GSPT1: variants seen among roughly 807,000 people sequenced by gnomAD.
The protein encoded by GSPT1 is eukaryotic peptide chain release factor GTP-binding subunit ERF3A.
A neutral mutation model predicts 72.5 loss-of-function variants in GSPT1; 20 were observed. The ratio of observed to expected loss-of-function variants is 0.28; its 90% confidence interval spans 0.19 to 0.40. The LOEUF (loss-of-function observed/expected upper bound fraction) is 0.40, where lower values mean the gene tolerates loss of function less well. Among genes scored for constraint, GSPT1 ranks in the 10% least tolerant of loss-of-function variants. The pLI is 1.00. For synonymous variants in GSPT1, 334 were observed against 293.5 expected (o/e 1.14, Z -1.41); for missense variants, 580 against 811.9 (o/e 0.71, Z 3.47).
upstream of GSPT1, chr16:11,916,011 G>C: frequency 3.0e-6 from 2 of 671,142 alleles, no homozygotes; most frequent in Non-Finnish European, 5.6e-6. Context: ...CCCACCCCCG[G>C]CGCGGATTGA....
At chr16:11,910,912 T>A (rs911932122) in intron 1 of GSPT1, among the ~76,000 whole-genome samples, 1 of 152,238 alleles carries the variant, frequency 6.6e-6, no homozygotes, top group African/African-American at 2.4e-5. Context: ...ATGCCTTCGC[T>A]TCTTCCCTAA....
At chr16:11,907,799 G>A (rs370717759) in intron 1 of GSPT1, among the ~76,000 whole-genome samples, 2 of 152,162 alleles carry the variant, frequency 1.3e-5, no homozygotes, top group Non-Finnish European at 2.9e-5. Flanking sequence ...CGTATCCAGC[G>A]CTAACATTCT....
At chr16:11,901,546 CCCCAAA>C (rs2054405790) in intron 1 of GSPT1, among the ~76,000 whole-genome samples, 1 of 151,878 alleles carries the variant, frequency 6.6e-6, no homozygotes, top group African/African-American at 2.4e-5. Flanking sequence ...AACTGCCATG[CCCCAAA>C]TTACAAGGAA....
At chr16:11,883,565 A>G (rs576257622) in intron 10 of GSPT1, among the ~76,000 whole-genome samples, 1 of 151,620 alleles carries the variant, frequency 6.6e-6, no homozygotes, top group East Asian at 1.9e-4. Context: ...GGTTACAGTG[A>G]GCCGAGACTG....
chr16:11,873,266 T>C lies in GSPT1; in HGVS notation c.1862-95A>G, dbSNP rs866114776. On this transcript the variant is annotated intron_variant, in intron 14 of 14. Transcript: ENST00000434724. ...TATTTTAAATCACAAAAATATTTTTTACAATGTAAGTTACTAATTAACTAG... is the reference window on the plus strand; with the variant it reads ...TATTTTAAATCACAAAAATATTTTTCACAATGTAAGTTACTAATTAACTAG... 43 of 643,850 alleles carry C rather than the reference T, an allele frequency of 6.7e-5. No individual in the cohort carries two copies. In the Middle Eastern group the frequency reaches 1.7e-3, roughly 25 times the overall value. The allele number at this position is 643,850 out of a possible 1,614,324, so 39.9% of individuals were successfully genotyped here.
intron 4 of GSPT1, among the ~76,000 whole-genome samples, chr16:11,896,071 A>G (rs2054334917): frequency 6.6e-6 from 1 of 152,284 alleles, no homozygotes; most frequent in Admixed American, 6.5e-5. Context: ...CCAGATAATT[A>G]GAGAATATCT....
In GSPT1 at chr16:11,915,327, C is replaced by T. The variant is rs1483104950; in HGVS notation, c.352+42G>A. 6 of 1,425,698 alleles carry T rather than the reference C, an allele frequency of 4.2e-6. No individual in the cohort carries two copies. In the South Asian group the frequency reaches 7.1e-5, roughly 17 times the overall value. 88.3% of individuals were successfully genotyped at this position (1,425,698 alleles called of 1,614,324 possible). On this transcript the variant is annotated intron_variant, in intron 1 of 14. Coordinates refer to ENST00000434724, the MANE Select transcript of GSPT1 (RefSeq NM_002094.4). ...ACCGCACCCCTACGCCATGTGGGCT[C>T]CGGCGCCCGGCCGGACTTCCTCCCG...
intron 1 of GSPT1, among the ~76,000 whole-genome samples, chr16:11,903,624 G>A (rs2054445766): frequency 6.6e-6 from 1 of 152,170 alleles, no homozygotes; most frequent in Admixed American, 6.5e-5. Flanking sequence ...GAGGTGGAGG[G>A]AGGCTGCAGT....
At position 11,886,455 on chromosome 16, in the gene GSPT1, A is replaced by G. The variant is rs1463778460; in HGVS notation, c.1253+16T>C. The stretch of plus-strand genomic sequence containing the variant: ...ATCCTTTTCCTTTTTAAAAAAAGGA[A>G]AAAACAGTTACTTACATGTACCAAG... On this transcript the variant is annotated intron_variant, in intron 9 of 14. Transcript: ENST00000434724. The G allele has an allele frequency of 5.7e-6, 9 of 1,584,440 alleles. No individual in the cohort carries two copies. Among genetic ancestry groups the G allele is most frequent in the South Asian group, 3.4e-5 (3 of 87,278 alleles).
chr16:11,891,928 TGGGAATAC>T (rs2054267167), intron 5 of GSPT1, among the ~76,000 whole-genome samples: 1 of 151,914 alleles, frequency 6.6e-6, no homozygotes, highest in Non-Finnish European at 1.5e-5. Context: ...CCCAAAGTGC[TGGGAATAC>T]TGGCATGAGA....
chr16:11,910,564 C>T (rs2054544853), intron 1 of GSPT1, among the ~76,000 whole-genome samples: 1 of 152,198 alleles, frequency 6.6e-6, no homozygotes, highest in Admixed American at 6.5e-5. Flanking sequence ...TAACTCAACC[C>T]AGAAGGTTAT....
chr16:11,908,001 G>C (rs1596475639), intron 1 of GSPT1, among the ~76,000 whole-genome samples: 1 of 152,182 alleles, frequency 6.6e-6, no homozygotes, highest in Non-Finnish European at 1.5e-5. Context: ...CAGCACTTTG[G>C]GAGGCTGAAG....
chr16:11,905,722 C>G (rs1038218055), intron 1 of GSPT1, among the ~76,000 whole-genome samples: 4 of 152,120 alleles, frequency 2.6e-5, no homozygotes, highest in Non-Finnish European at 5.9e-5. Context: ...GTAATCCCAG[C>G]TACTCAGGAG....
intron 1 of GSPT1, among the ~76,000 whole-genome samples, chr16:11,901,754 C>T (rs563419462): frequency 4.6e-5 from 7 of 151,528 alleles, no homozygotes; most frequent in Admixed American, 2.6e-4. Context: ...ATTGCACCAC[C>T]GCACTCTAGC....
At position 11,870,700 on chromosome 16, in the gene GSPT1, A is replaced by G. The variant is rs2053968640; in HGVS notation, c.*2419T>C. The G allele has an allele frequency of 1.3e-5, 2 of 152,206 alleles. 1 individual carries two copies. Among genetic ancestry groups the G allele is most frequent in the South Asian group, 4.1e-4 (2 of 4,828 alleles). 9.4% of individuals were successfully genotyped at this position (152,206 alleles called of 1,614,324 possible). Reference sequence around the variant, plus strand: ...CATCAACTTTAAAAAGATGAGAACAATTTTCAAAGCCCATAGAACTTATGT... The same window carrying G: ...CATCAACTTTAAAAAGATGAGAACAGTTTTCAAAGCCCATAGAACTTATGT... On this transcript the variant is annotated 3_prime_UTR_variant, in exon 15 of 15. Coordinates refer to ENST00000434724, the MANE Select transcript of GSPT1 (RefSeq NM_002094.4).
Position 11,876,190 on chromosome 16 carries a change from C to T in GSPT1, c.1603-15G>A, listed in dbSNP as rs372025993. 4.1e-6 allele frequency: 6 copies of T among 1,475,438 alleles called. No homozygotes were observed. In the Admixed American group the frequency reaches 5.0e-5, roughly 12 times the overall value. The allele number at this position is 1,475,438 out of a possible 1,614,324, so 91.4% of individuals were successfully genotyped here. A position where few individuals can be genotyped will look rare whatever the true frequency, so the allele number is the denominator to read the frequency against. ...ATAATCACTATCTGTCAAACAAACACACACATTCTTATCTTTAGCCTTAGG... is the reference window on the plus strand; with the variant it reads ...ATAATCACTATCTGTCAAACAAACATACACATTCTTATCTTTAGCCTTAGG... On this transcript the variant is annotated splice_polypyrimidine_tract_variant and intron_variant, in intron 12 of 14. Transcript: ENST00000434724.
intron 11 of GSPT1, chr16:11,881,686 G>A (rs374786605): frequency 8.4e-5 from 7 of 83,778 alleles, no homozygotes; most frequent in African/African-American, 3.3e-4. Flanking sequence ...TAAAGGTCTC[G>A]TTCTGTTGCC....
chr16:11,892,686 A>C (rs2054282204), intron 5 of GSPT1, among the ~76,000 whole-genome samples: 1 of 149,888 alleles, frequency 6.7e-6, no homozygotes, highest in African/African-American at 2.5e-5. Context: ...AAAATTAGCC[A>C]GACGTGGTGG....
chr16:11,914,553 T>C (rs960715881), intron 1 of GSPT1, among the ~76,000 whole-genome samples: 1 of 152,224 alleles, frequency 6.6e-6, no homozygotes, highest in Non-Finnish European at 1.5e-5. Context: ...GAACTACTGA[T>C]GCACGAACAC....
Sources: gnomAD v4.1 joint callset for allele counts (sites outside exome capture counted in the v4.1 genomes callset) on GRCh38, gnomAD v4.1.1 for gene constraint, MANE v1.5 for transcripts, NCBI Gene and HGNC (gene_info 2026-07-23, HGNC 2026-07-21) for gene names.